The following TUSC3 variants were observed in gnomAD, a reference collection of about 807,000 sequenced individuals.
TUSC3 encodes the protein dolichyl-diphosphooligosaccharide--protein glycosyltransferase subunit TUSC3.
In TUSC3, 45 loss-of-function variants were observed where a neutral mutation model predicts 44.8. The observed-to-expected ratio is 1.00, with a 90% CI of 0.79 to 1.29. TUSC3 has a LOEUF of 1.29. TUSC3 is among the 50% of genes most tolerant of loss of function. The pLI, the probability that TUSC3 is intolerant of heterozygous loss-of-function variation, is 0.00. For missense variants in TUSC3, 519 were observed against 437.9 expected, an observed-to-expected ratio of 1.19 and a Z score of -1.65; for synonymous variants, 212 against 152.9, an observed-to-expected ratio of 1.39 and a Z score of -2.85.
At chr8:15,771,429 A>C (rs1812437249), downstream of TUSC3, among the ~76,000 whole-genome samples, 1 of 152,210 alleles carries the variant, frequency 6.6e-6, no homozygotes. Flanking sequence ...CTGAAAGGAC[A>C]ACTGAGAGTC....
intron 2 of TUSC3, among the ~76,000 whole-genome samples, chr8:15,627,386 C>T (rs1041995831): frequency 1.3e-5 from 2 of 152,236 alleles, no homozygotes; most frequent in African/African-American, 2.4e-5. Context: ...CTTTTGCTCA[C>T]TAAAGCTCCT....
At chr8:15,696,968 C>T (rs939799861) in intron 6 of TUSC3, among the ~76,000 whole-genome samples, 13 of 152,092 alleles carry the variant, frequency 8.5e-5, no homozygotes, top group African/African-American at 2.9e-4. Context: ...TTCATTCTTG[C>T]TCCTTGTTAT....
At position 15,764,269 on chromosome 8, in the gene TUSC3, T is replaced by C. The variant is rs1490753518; in HGVS notation, c.*113T>C. ...AATGTTTACCATGAAGATAAACTGT[T>C]CCTGACTTTATACTATTTTGAATTC... On this transcript the variant is annotated 3_prime_UTR_variant, in exon 11 of 11. Coordinates refer to ENST00000503731, the MANE Select transcript of TUSC3 (RefSeq NM_006765.4). The C allele has an allele frequency of 6.3e-7, 1 of 1,575,212 alleles. No homozygotes were observed. The highest frequency in any genetic ancestry group is 8.7e-7 in the Non-Finnish European group (1 of 1,147,480).
chr8:15,453,126 C>CT (rs2129120642), intron 1 of TUSC3, among the ~76,000 whole-genome samples: 1 of 152,186 alleles, frequency 6.6e-6, no homozygotes, highest in South Asian at 2.1e-4. Context: ...ATCCATGGTG[C>CT]TTTTTGTAAA....
chr8:15,726,580 C>T (rs555924226), intron 6 of TUSC3, among the ~76,000 whole-genome samples: 3 of 152,118 alleles, frequency 2.0e-5, no homozygotes, highest in East Asian at 1.9e-4. Context: ...CCAAACTGGC[C>T]GGATCACTTG....
intron 2 of TUSC3, among the ~76,000 whole-genome samples, chr8:15,625,207 CATATT>C (rs992501418): frequency 3.3e-5 from 5 of 151,960 alleles, no homozygotes; most frequent in South Asian, 2.1e-4. Flanking sequence ...TTAATTGTGT[CATATT>C]ATTTTATTAT....
chr8:15,530,470 T>C (rs1165027080), intron 2 of TUSC3, among the ~76,000 whole-genome samples: 2 of 152,172 alleles, frequency 1.3e-5, no homozygotes, highest in East Asian at 1.9e-4. Context: ...TTCATCTTCA[T>C]GGTACCATTA....
intron 2 of TUSC3, among the ~76,000 whole-genome samples, chr8:15,533,070 T>G (rs529595056): frequency 1.3e-5 from 2 of 152,156 alleles, no homozygotes; most frequent in Non-Finnish European, 2.9e-5. Flanking sequence ...GGATTACAGG[T>G]ATGAGCCACC....
At chr8:15,428,268 C>G (rs150698494) in intron 1 of TUSC3, among the ~76,000 whole-genome samples, 2 of 151,826 alleles carry the variant, frequency 1.3e-5, no homozygotes, top group African/African-American at 2.4e-5. Flanking sequence ...TGGGTTCCAG[C>G]TTCATCGATG....
intron 1 of TUSC3, among the ~76,000 whole-genome samples, chr8:15,480,339 T>G (rs1328271982): frequency 6.6e-6 from 1 of 152,188 alleles, no homozygotes; most frequent in Non-Finnish European, 1.5e-5. Flanking sequence ...TACTCTGAAA[T>G]CCACATGGAA....
intron 1 of TUSC3, among the ~76,000 whole-genome samples, chr8:15,543,258 G>T (rs1801750390): frequency 6.6e-6 from 1 of 152,136 alleles, no homozygotes; most frequent in Non-Finnish European, 1.5e-5. Flanking sequence ...ATTGACATAT[G>T]TACCAGAGTA....
chr8:15,589,674 T>G (rs1291808821), intron 1 of TUSC3, among the ~76,000 whole-genome samples: 1 of 151,974 alleles, frequency 6.6e-6, no homozygotes, highest in African/African-American at 2.4e-5. Context: ...TAAAACATCT[T>G]TACAGTATAA....
intron 7 of TUSC3, among the ~76,000 whole-genome samples, chr8:15,742,226 T>TGGCGGGAGGGTTGATGTTGTGCAGG (rs1554485608): frequency 0.31 from 1,553 of 5,090 alleles, 11 homozygotes; most frequent in South Asian, 0.43. Flanking sequence ...GGTATGTGTA[T>TGGCGGGAGGGTTGATGTTGTGCAGG]GGTGGGAGGG....
chr8:15,715,980 G>A (rs191521201), intron 6 of TUSC3, among the ~76,000 whole-genome samples: 2 of 152,100 alleles, frequency 1.3e-5, no homozygotes, highest in African/African-American at 4.8e-5. Flanking sequence ...GAAGGGTTGG[G>A]TGTGGTGGCA....
At chr8:15,509,896 C>T (rs1801108636) in intron 2 of TUSC3, among the ~76,000 whole-genome samples, 1 of 152,176 alleles carries the variant, frequency 6.6e-6, no homozygotes, top group Admixed American at 6.5e-5. Context: ...CCCCAGTTAT[C>T]TAATGCTTAC....
chr8:15,519,601 G>T (rs1801267146), intron 2 of TUSC3, among the ~76,000 whole-genome samples: 1 of 152,064 alleles, frequency 6.6e-6, no homozygotes, highest in Admixed American at 6.5e-5. Context: ...GATCTAGGTT[G>T]TGTACTCCTT....
intron 2 of TUSC3, among the ~76,000 whole-genome samples, chr8:15,632,590 T>G (rs1805821748): frequency 6.6e-6 from 1 of 152,136 alleles, no homozygotes; most frequent in Non-Finnish European, 1.5e-5. Context: ...TCTCAGTAAT[T>G]TTTTACCCAG....
chr8:15,573,342 C>T (rs113960883), intron 1 of TUSC3, among the ~76,000 whole-genome samples: 1 of 150,814 alleles, frequency 6.6e-6, no homozygotes, highest in Non-Finnish European at 1.5e-5. Context: ...AGGGTAATTA[C>T]CAGTTTTAAC....
At chr8:15,451,681 G>T (rs1197694434) in intron 1 of TUSC3, among the ~76,000 whole-genome samples, 1 of 152,164 alleles carries the variant, frequency 6.6e-6, no homozygotes, top group Admixed American at 6.5e-5. Flanking sequence ...GGAAGGGATA[G>T]TGGGAACCTT....
Sources: allele counts gnomAD v4.1 joint callset (sites outside exome capture counted in the v4.1 genomes callset), GRCh38; gene constraint gnomAD v4.1.1; transcripts MANE v1.5; gene names NCBI Gene and HGNC (gene_info 2026-07-23, HGNC 2026-07-21).